SMARCA2: variants seen among roughly 807,000 people sequenced by gnomAD.
SMARCA2 encodes SWI/SNF-related matrix-associated actin-dependent regulator of chromatin subfamily A member 2.
In SMARCA2, 61 loss-of-function variants were observed where a neutral mutation model predicts 199.8. The observed-to-expected ratio is 0.31, with a 90% CI of 0.25 to 0.38. The LOEUF (loss-of-function observed/expected upper bound fraction) is 0.38. Ranked by LOEUF, SMARCA2 falls within the 10% of genes least tolerant of loss-of-function variation. SMARCA2 has a pLI of 1.00. For synonymous variants in SMARCA2, 935 were observed against 732.0 expected, an observed-to-expected ratio of 1.28 and a Z score of -4.48; for missense variants, 1,344 against 2,012.2, an observed-to-expected ratio of 0.67 and a Z score of 6.35.
intron 29 of SMARCA2, among the ~76,000 whole-genome samples, chr9:2,177,115 T>C (rs1473418027): frequency 6.6e-6 from 1 of 152,212 alleles, no homozygotes; most frequent in African/African-American, 2.4e-5. Context: ...TAATGTGGTC[T>C]AGTAAATTCT....
chr9:2,090,561 T>C (rs1822009785), intron 19 of SMARCA2, among the ~76,000 whole-genome samples: 1 of 152,182 alleles, frequency 6.6e-6, no homozygotes, highest in Non-Finnish European at 1.5e-5. Flanking sequence ...GTTGTGAGGA[T>C]TAAATGGATG....
At chr9:2,042,737 A>G (rs894062208) in intron 4 of SMARCA2, 10 of 151,014 alleles carry the variant, frequency 6.6e-5, no homozygotes, top group Non-Finnish European at 1.0e-4. Context: ...AATTCACTTT[A>G]TTACTCACTG....
intron 5 of SMARCA2, among the ~76,000 whole-genome samples, chr9:2,048,186 C>T (rs1819961820): frequency 6.6e-6 from 1 of 152,260 alleles, no homozygotes; most frequent in East Asian, 1.9e-4. Flanking sequence ...CAGAATTTGG[C>T]CTGCAGGCTG....
At chr9:2,060,436 A>C (rs954211254) in intron 8 of SMARCA2, among the ~76,000 whole-genome samples, 10 of 152,206 alleles carry the variant, frequency 6.6e-5, no homozygotes, top group African/African-American at 2.4e-4. Context: ...TCTGCTTTTG[A>C]TTATATTTGA....
intron 12 of SMARCA2, among the ~76,000 whole-genome samples, chr9:2,074,770 G>C (rs1821251765): frequency 6.6e-6 from 1 of 152,224 alleles, no homozygotes; most frequent in Admixed American, 6.5e-5. Context: ...GGGAGGCTGA[G>C]GTAGGAGGAT....
At chr9:2,064,879 C>G (rs905488499) in intron 9 of SMARCA2, among the ~76,000 whole-genome samples, 3 of 152,212 alleles carry the variant, frequency 2.0e-5, no homozygotes, top group African/African-American at 4.8e-5. Context: ...GCAGCCCTGC[C>G]TATTGCTTAA....
intron 8 of SMARCA2, 107 bp downstream of exon 8, chr9:2,058,571 C>G: frequency 1.1e-6 from 1 of 952,180 alleles, no homozygotes; most frequent in South Asian, 1.6e-5. Flanking sequence ...AACTGCTTAT[C>G]AAAAATTTTA....
chr9:2,083,857 T>C (rs1821677058), intron 16 of SMARCA2, among the ~76,000 whole-genome samples: 1 of 152,184 alleles, frequency 6.6e-6, no homozygotes, highest in Non-Finnish European at 1.5e-5. Context: ...CCATTTCCCT[T>C]TGCCCTCCCA....
chr9:2,151,025 G>A (rs1162306113), intron 27 of SMARCA2, among the ~76,000 whole-genome samples: 1 of 151,574 alleles, frequency 6.6e-6, no homozygotes, highest in Admixed American at 6.6e-5. Flanking sequence ...GAATTTTAGA[G>A]GGATGCAGTT....
chr9:2,073,767 T>C, intron 12 of SMARCA2, 144 bp downstream of exon 12: 1 of 647,972 alleles, frequency 1.5e-6, no homozygotes. Flanking sequence ...GGGCTAAGGA[T>C]TTACAAATGC....
intron 5 of SMARCA2, among the ~76,000 whole-genome samples, chr9:2,048,147 C>T (rs769495302): frequency 3.3e-5 from 5 of 152,114 alleles, no homozygotes; most frequent in African/African-American, 4.8e-5. Flanking sequence ...GGCTGCCTTT[C>T]GGTAAACTTT....
intron 27 of SMARCA2, among the ~76,000 whole-genome samples, chr9:2,155,720 C>CTTTTTTTTTTTTTTTTTTTT (rs59156319): frequency 3.8e-5 from 2 of 53,152 alleles, no homozygotes. Flanking sequence ...AAGAGAAAAC[C>CTTTTTTTTTTTTTTTTTTTT]TTTTTTTTTT....
intron 29 of SMARCA2, among the ~76,000 whole-genome samples, chr9:2,175,648 T>C (rs1003246274): frequency 6.6e-6 from 1 of 152,214 alleles, no homozygotes; most frequent in African/African-American, 2.4e-5. Context: ...TCAATGAAGG[T>C]AACCCAATTA....
chr9:2,177,712 C>T (rs1364278981), intron 29 of SMARCA2, among the ~76,000 whole-genome samples: 1 of 152,118 alleles, frequency 6.6e-6, no homozygotes, highest in Non-Finnish European at 1.5e-5. Context: ...GCCACCACAC[C>T]CAGCTAATTT....
intron 27 of SMARCA2, chr9:2,157,738 G>C (rs887534628): frequency 7.7e-6 from 3 of 391,378 alleles, no homozygotes; most frequent in East Asian, 3.6e-5. Context: ...TTTTGTTTGC[G>C]TGTCCCTGTT....
At position 2,161,697 on chromosome 9, in the gene SMARCA2, C is replaced by T. The variant is rs1231884018; in HGVS notation, c.3993C>T (p.Asp1331=). ...TTTCCAACGAACAGGCCATCGAAGA[C>T]GGCAATTTGGAGGAAATGGAAGAGG... ...TEKQWLRAIE[D]GNLEEMEEEV... is the part of the protein sequence containing the mutation. The change falls in exon 28 of 34, where the codon GAC becomes GAT. Residue 1331 remains aspartate (D), a synonymous_variant. Coordinates refer to ENST00000349721, the MANE Select transcript of SMARCA2 (RefSeq NM_003070.5). The surrounding 1 kb of genome is among the most constrained non-coding windows in gnomAD (Gnocchi z 4.7). The T allele has an allele frequency of 3.1e-6, 5 of 1,612,210 alleles. No homozygotes were observed. The highest frequency in any genetic ancestry group is 1.7e-5 in the Admixed American group (1 of 59,934).
chr9:2,115,708 C>T lies in SMARCA2; in HGVS notation c.3457-114C>T, dbSNP rs1823186383. ...TTTTTAAAATGTAGGCAAAATCTTA[C>T]CTTAGTGAAGGTGAAATACAGAACC... On this transcript the variant is annotated intron_variant, in intron 24 of 33. Transcript: ENST00000349721. The surrounding 1 kb of genome is among the most constrained non-coding windows in gnomAD (Gnocchi z 6.0). The T allele has an allele frequency of 3.9e-6, 3 of 776,426 alleles. No individual in the cohort carries two copies. Among genetic ancestry groups the T allele is most frequent in the Non-Finnish European group, 6.3e-6 (3 of 478,380 alleles). The allele number at this position is 776,426 out of a possible 1,614,324, so 48.1% of individuals were successfully genotyped here.
intron 19 of SMARCA2, among the ~76,000 whole-genome samples, chr9:2,093,227 G>C (rs1320294496): frequency 3.9e-5 from 6 of 152,208 alleles, no homozygotes; most frequent in Non-Finnish European, 8.8e-5. Context: ...AGGTGGTTTA[G>C]GACGGGGTAC....
chr9:2,145,534 C>A (rs569810012), intron 27 of SMARCA2, among the ~76,000 whole-genome samples: 1 of 152,140 alleles, frequency 6.6e-6, no homozygotes, highest in Admixed American at 6.5e-5. Flanking sequence ...AAAGGTGACC[C>A]TAGACACCTG....
Sources: gnomAD v4.1 joint callset for allele counts (sites outside exome capture counted in the v4.1 genomes callset) on GRCh38, gnomAD v4.1.1 for gene constraint, Gnocchi (gnomAD v3.1) non-coding constraint, MANE v1.5 for transcripts, NCBI Gene and HGNC (gene_info 2026-07-23, HGNC 2026-07-21) for gene names.